The following KIRREL3 variants were observed in gnomAD, a reference collection of about 807,000 sequenced individuals.
KIRREL3 encodes the protein kin of IRRE-like protein 3.
In KIRREL3, 36 loss-of-function variants were observed where a neutral mutation model predicts 89.7. The ratio of observed to expected loss-of-function variants is 0.40; its 90% CI spans 0.31 to 0.53. The LOEUF is 0.53. Among genes scored for constraint, KIRREL3 ranks in the 20% least tolerant of loss-of-function variants. The probability of loss-of-function intolerance (pLI) is 0.49; values close to 1 mark genes in which losing one functional copy is unlikely to be tolerated. For missense variants in KIRREL3, 864 were observed against 1,056.6 expected, an observed-to-expected ratio of 0.82 and a Z score of 2.53; for synonymous variants, 445 against 441.4, an observed-to-expected ratio of 1.01 and a Z score of -0.10.
chr11:126,667,693 C>G (rs924511256), intron 1 of KIRREL3, among the ~76,000 whole-genome samples: 1 of 152,116 alleles, frequency 6.6e-6, no homozygotes, highest in Non-Finnish European at 1.5e-5. Flanking sequence ...ATTCTGAGAC[C>G]CTTCTTGGGG....
Position 126,571,898 on chromosome 11 carries a change from G to C in KIRREL3, c.56-8986C>G, listed in dbSNP as rs1940958633. On this transcript the variant is annotated intron_variant, in intron 1 of 16. Coordinates refer to ENST00000525144, the MANE Select transcript of KIRREL3 (RefSeq NM_032531.4). The surrounding 1 kb of genome is among the most constrained non-coding windows in gnomAD (Gnocchi z 7.7). ...GAGTTACTTGCTAGGTGGGGGAACA[G>C]AGAAATAGGATCATGAAGGCCATTC... Among the ~76,000 whole-genome samples the C allele has an allele frequency of 6.6e-6, 1 of 152,234 alleles. No individual in the cohort carries two copies. The highest frequency in any genetic ancestry group is 1.5e-5 in the Non-Finnish European group (1 of 68,032).
At chr11:126,690,553 G>T (rs1946840947) in intron 1 of KIRREL3, among the ~76,000 whole-genome samples, 1 of 152,106 alleles carries the variant, frequency 6.6e-6, no homozygotes, top group Non-Finnish European at 1.5e-5. Flanking sequence ...ATGTTTTGGG[G>T]TTTTCTGGGT....
intron 1 of KIRREL3, among the ~76,000 whole-genome samples, chr11:126,613,057 A>T (rs1185364381): frequency 1.3e-5 from 2 of 152,224 alleles, no homozygotes; most frequent in Non-Finnish European, 2.9e-5. Context: ...AGAACCGCCA[A>T]ACTGCTTTCT....
At chr11:126,500,420 C>T (rs1957818248) in intron 4 of KIRREL3, among the ~76,000 whole-genome samples, 1 of 152,178 alleles carries the variant, frequency 6.6e-6, no homozygotes, top group South Asian at 2.1e-4. Flanking sequence ...AGCCTGGCTA[C>T]AAGCGACTCA....
chr11:126,618,506 C>G (rs1943447676), intron 1 of KIRREL3, among the ~76,000 whole-genome samples: 1 of 152,174 alleles, frequency 6.6e-6, no homozygotes, highest in African/African-American at 2.4e-5. Context: ...ACAATCTTGG[C>G]TCACTGCAAA....
rs887192591 is a variant in KIRREL3, at chr11:126,903,005, C to T, written c.55+97450G>A. ...ATACTTTTTTTAAAAAAAAGGAAGC[C>T]CAGCGTCCTATGACCTTGTGAAAGA... On this transcript the variant is annotated intron_variant, in intron 1 of 16. Coordinates refer to ENST00000525144, the MANE Select transcript of KIRREL3 (RefSeq NM_032531.4). This position sits in a 1 kb window ranked among gnomAD's most constrained non-coding sequence, Gnocchi z 4.5. 6.6e-6 allele frequency among the ~76,000 whole-genome samples: 1 copy of T among 152,002 alleles called. No homozygotes were observed. The highest frequency in any genetic ancestry group is 6.5e-5 in the Admixed American group (1 of 15,274).
chr11:126,603,264 GT>G (rs1942741351), intron 1 of KIRREL3, among the ~76,000 whole-genome samples: 1 of 152,254 alleles, frequency 6.6e-6, no homozygotes, highest in Non-Finnish European at 1.5e-5. Context: ...GGGCAGGCAA[GT>G]GGGGGCTCAT....
rs1345256654 is a variant in KIRREL3, at chr11:126,773,173, A to G, written c.56-210261T>C. The stretch of plus-strand genomic sequence containing the variant: ...CTGTGATGATTGATTTTTTGTGTCA[A>G]CTTTGCTGGGACATGGTGCCCAGAT... On this transcript the variant is annotated intron_variant, in intron 1 of 16. Coordinates refer to ENST00000525144, the MANE Select transcript of KIRREL3 (RefSeq NM_032531.4). This position sits in a 1 kb window ranked among gnomAD's most constrained non-coding sequence, Gnocchi z 4.2. Among the ~76,000 whole-genome samples, 1 of 152,118 alleles carries G rather than the reference A, an allele frequency of 6.6e-6. No individual in the cohort carries two copies. Among genetic ancestry groups the G allele is most frequent in the African/African-American group, 2.4e-5 (1 of 41,422 alleles).
intron 1 of KIRREL3, among the ~76,000 whole-genome samples, chr11:126,588,506 C>CG (rs1941980811): frequency 6.6e-6 from 1 of 152,018 alleles, no homozygotes; most frequent in African/African-American, 2.4e-5. Context: ...AGCCTTGCTG[C>CG]GGGCCCTGAG....
Position 126,550,035 on chromosome 11 carries a change from A to T in KIRREL3, c.133+12800T>A, listed in dbSNP as rs1486716794. Reference sequence around the variant, plus strand: ...CTGTTTCCAATAGCTACTTATTCATACCCGGTTACCGCAACTGCGACATTG... The same window carrying T: ...CTGTTTCCAATAGCTACTTATTCATTCCCGGTTACCGCAACTGCGACATTG... On this transcript the variant is annotated intron_variant, in intron 2 of 16. Transcript: ENST00000525144. The surrounding 1 kb of genome is among the most constrained non-coding windows in gnomAD (Gnocchi z 4.9). 4 of 152,044 alleles carry T rather than the reference A, an allele frequency of 2.6e-5. No individual in the cohort carries two copies. Among genetic ancestry groups the T allele is most frequent in the Non-Finnish European group, 5.9e-5 (4 of 68,016 alleles). The allele number at this position is 152,044 out of a possible 1,614,324, so 9.4% of individuals were successfully genotyped here. A position where few individuals can be genotyped will look rare whatever the true frequency, so the allele number is the denominator to read the frequency against.
chr11:126,788,151 CAA>C lies in KIRREL3; in HGVS notation c.55+212302_55+212303del, dbSNP rs1178370972. Among the ~76,000 whole-genome samples the C allele has an allele frequency of 6.6e-6, 1 of 152,140 alleles. No homozygotes were observed. Among genetic ancestry groups the C allele is most frequent in the Non-Finnish European group, 1.5e-5 (1 of 68,032 alleles). On this transcript the variant is annotated intron_variant, in intron 1 of 16. Transcript: ENST00000525144. This position sits in a 1 kb window ranked among gnomAD's most constrained non-coding sequence, Gnocchi z 4.1. ...TCTAAAATCTGCTAGACATTGTGTGCAAAAAGAGTGGGTGATGGAGTTGGGCT... is the reference window on the plus strand; with the variant it reads ...TCTAAAATCTGCTAGACATTGTGTGCAAAGAGTGGGTGATGGAGTTGGGCT...
Position 126,808,938 on chromosome 11 carries a change from T to C in KIRREL3, c.55+191517A>G, listed in dbSNP as rs1951290697. Reference sequence around the variant, plus strand: ...CCAGAATGGACTGATTCTGCTTTATTCATAACTGTTTGAAAAATCTCTTGT... The same window carrying C: ...CCAGAATGGACTGATTCTGCTTTATCCATAACTGTTTGAAAAATCTCTTGT... On this transcript the variant is annotated intron_variant, in intron 1 of 16. Transcript: ENST00000525144. The surrounding 1 kb of genome is among the most constrained non-coding windows in gnomAD (Gnocchi z 4.1). Among the ~76,000 whole-genome samples, 1 of 152,198 alleles carries C rather than the reference T, an allele frequency of 6.6e-6. No homozygotes were observed.
At chr11:126,518,131 C>G (rs1387265033) in intron 4 of KIRREL3, among the ~76,000 whole-genome samples, 1 of 152,218 alleles carries the variant, frequency 6.6e-6, no homozygotes, top group Non-Finnish European at 1.5e-5. Flanking sequence ...CCTTCTGCCT[C>G]CCGAGGTACA....
At position 126,455,032 on chromosome 11, in the gene KIRREL3, C is replaced by T. The variant is rs746011259; in HGVS notation, c.848+1317G>A. On this transcript the variant is annotated intron_variant, in intron 7 of 16. Transcript: ENST00000525144. This position sits in a 1 kb window ranked among gnomAD's most constrained non-coding sequence, Gnocchi z 6.4. ...GGCCCATTTCCTTCCATTCTGCCCA[C>T]GGGGGCCACACTGGCTCTTGTCTTC... 1.1e-4 allele frequency among the ~76,000 whole-genome samples: 17 copies of T among 152,322 alleles called. No individual in the cohort carries two copies. Among genetic ancestry groups the T allele is most frequent in the African/African-American group, 1.4e-4 (6 of 41,564 alleles).
Position 126,897,071 on chromosome 11 carries a change from T to A in KIRREL3, c.55+103384A>T, listed in dbSNP as rs1022394002. On this transcript the variant is annotated intron_variant, in intron 1 of 16. Transcript: ENST00000525144. The surrounding 1 kb of genome is among the most constrained non-coding windows in gnomAD (Gnocchi z 4.2). ...TCTCTCTTCCCTGCTCTTCCTCTTATCCAAGTTATTAAAATACGAAAGATC... is the reference window on the plus strand; with the variant it reads ...TCTCTCTTCCCTGCTCTTCCTCTTAACCAAGTTATTAAAATACGAAAGATC... Among the ~76,000 whole-genome samples, 4 of 152,096 alleles carry A rather than the reference T, an allele frequency of 2.6e-5. No homozygotes were observed. Among genetic ancestry groups the A allele is most frequent in the Non-Finnish European group, 4.4e-5 (3 of 68,012 alleles).
intron 4 of KIRREL3, among the ~76,000 whole-genome samples, chr11:126,500,767 A>G (rs1016399019): frequency 1.3e-5 from 2 of 151,890 alleles, no homozygotes; most frequent in Non-Finnish European, 2.9e-5. Flanking sequence ...AAAAGAAAAG[A>G]AAAACAGTAT....
Position 126,569,820 on chromosome 11 carries a change from T to C in KIRREL3, c.56-6908A>G, listed in dbSNP as rs1940789604. On this transcript the variant is annotated intron_variant, in intron 1 of 16. Coordinates refer to ENST00000525144, the MANE Select transcript of KIRREL3 (RefSeq NM_032531.4). This position sits in a 1 kb window ranked among gnomAD's most constrained non-coding sequence, Gnocchi z 6.5. ...TGGATGTCTACCAATGGCCCTCTCA[T>C]TGGTTTTTGTCTATCAATAGCCATC... is the stretch of plus-strand genomic sequence containing the variant. 6.6e-6 allele frequency among the ~76,000 whole-genome samples: 1 copy of C among 152,170 alleles called. No individual in the cohort carries two copies. Among genetic ancestry groups the C allele is most frequent in the African/African-American group, 2.4e-5 (1 of 41,426 alleles).
At chr11:126,799,889 C>A (rs1361030565) in intron 1 of KIRREL3, among the ~76,000 whole-genome samples, 1 of 152,136 alleles carries the variant, frequency 6.6e-6, no homozygotes, top group Non-Finnish European at 1.5e-5. Context: ...AGGAGCCTGG[C>A]TGGGATGGTG....
chr11:126,934,865 C>T (rs933945280), intron 1 of KIRREL3: 7 of 152,062 alleles, frequency 4.6e-5, no homozygotes, highest in Non-Finnish European at 7.3e-5. Context: ...TCGAGGCTAT[C>T]CTGGCTAACG....
Sources: gnomAD v4.1 joint callset for allele counts (sites outside exome capture counted in the v4.1 genomes callset) on GRCh38, gnomAD v4.1.1 for gene constraint, Gnocchi (gnomAD v3.1) non-coding constraint, MANE v1.5 for transcripts, NCBI Gene and HGNC (gene_info 2026-07-23, HGNC 2026-07-21) for gene names.